ITGA11: variants seen among roughly 807,000 people sequenced by gnomAD.
The protein encoded by ITGA11 is integrin alpha-11.
In ITGA11, 97 loss-of-function variants were observed where a neutral mutation model predicts 141.9. That is an observed-to-expected ratio of 0.68 (90% CI 0.58 to 0.81). The LOEUF is 0.81. Ranked by LOEUF, ITGA11 falls within the 30% of genes least tolerant of loss-of-function variation. ITGA11 has a pLI of 0.00. For synonymous variants in ITGA11, 658 were observed against 624.6 expected (o/e 1.05, Z -0.80); for missense variants, 1,387 against 1,559.2 (o/e 0.89, Z 1.86).
chr15:68,314,977 C>T (rs529393223), intron 22 of ITGA11, among the ~76,000 whole-genome samples: 17 of 151,912 alleles, frequency 1.1e-4, no homozygotes, highest in South Asian at 1.0e-3. Context: ...GGTAATTCTG[C>T]AAAAAAGAGA....
rs1002137569 is a variant in ITGA11, at chr15:68,328,633, C to G, written c.1902-371G>C. Among the ~76,000 whole-genome samples, 1 of 152,180 alleles carries G rather than the reference C, an allele frequency of 6.6e-6. No individual in the cohort carries two copies. Among genetic ancestry groups the G allele is most frequent in the South Asian group, 2.1e-4 (1 of 4,832 alleles). On this transcript the variant is annotated intron_variant, in intron 15 of 29. Transcript: ENST00000315757. The surrounding 1 kb of genome is among the most constrained non-coding windows in gnomAD (Gnocchi z 4.8). Reference sequence around the variant, plus strand: ...GTCATCTGAAGAGCTTAAAAAAATCCTGGTGCCTCAGCTACACCCTAGGCA... The same window carrying G: ...GTCATCTGAAGAGCTTAAAAAAATCGTGGTGCCTCAGCTACACCCTAGGCA...
In ITGA11 at chr15:68,321,739, G is replaced by A. The variant is rs1275328858; in HGVS notation, c.2323-236C>T. On this transcript the variant is annotated intron_variant, in intron 18 of 29. Transcript: ENST00000315757. The surrounding 1 kb of genome is among the most constrained non-coding windows in gnomAD (Gnocchi z 4.9). ...AGTTCATAACTGAGCTGATGGCACA[G>A]AACCCCCACCCCCACTCACCCAGCA... Among the ~76,000 whole-genome samples, 2 of 152,162 alleles carry A rather than the reference G, an allele frequency of 1.3e-5. No individual in the cohort carries two copies. Among genetic ancestry groups the A allele is most frequent in the Non-Finnish European group, 2.9e-5 (2 of 68,036 alleles).
intron 4 of ITGA11, among the ~76,000 whole-genome samples, chr15:68,363,741 G>C (rs1001043304): frequency 6.6e-6 from 1 of 152,156 alleles, no homozygotes; most frequent in Non-Finnish European, 1.5e-5. Flanking sequence ...GAAGGATCCT[G>C]TTTGAACCCC....
rs1892957347 is a variant in ITGA11, at chr15:68,298,544, G to A, written c.*4515C>T. On this transcript the variant is annotated 3_prime_UTR_variant, in exon 30 of 30. Coordinates refer to ENST00000315757, the MANE Select transcript of ITGA11 (RefSeq NM_001004439.2). ...AAGAGGCTGAGGTGGGAGGATCACT[G>A]AAGTCCAGGAGGTCGAGGCTGCAGG... 6.6e-6 allele frequency: 1 copy of A among 152,192 alleles called. No individual in the cohort carries two copies. The highest frequency in any genetic ancestry group is 1.5e-5 in the Non-Finnish European group (1 of 68,050). The allele number at this position is 152,192 out of a possible 1,614,324, so 9.4% of individuals were successfully genotyped here.
Position 68,361,642 on chromosome 15 carries a change from T to C in ITGA11, c.420A>G (p.Ser140=), listed in dbSNP as rs1895246766. The part of the protein sequence containing the change: ...GSSYYTTGMC[S]RVNSNFRFSK... ...AGAACCTGAAGTTGGAGTTGACTCT[T>C]GAACACATCCCTGTGGTGTAGTAGG... Residue 140 remains serine (S), a synonymous_variant, in exon 5 of 30, where the codon TCA becomes TCG. Transcript: ENST00000315757. 1 of 1,610,990 alleles carries C rather than the reference T, an allele frequency of 6.2e-7. No individual in the cohort carries two copies. Among genetic ancestry groups the C allele is most frequent in the Non-Finnish European group, 8.5e-7 (1 of 1,178,584 alleles).
In ITGA11 at chr15:68,321,063, G is replaced by C. The variant is rs1893789236; in HGVS notation, c.2408+355C>G. Among the ~76,000 whole-genome samples, 1 of 152,076 alleles carries C rather than the reference G, an allele frequency of 6.6e-6. No individual in the cohort carries two copies. Among genetic ancestry groups the C allele is most frequent in the South Asian group, 2.1e-4 (1 of 4,828 alleles). On this transcript the variant is annotated intron_variant, in intron 19 of 29. Coordinates refer to ENST00000315757, the MANE Select transcript of ITGA11 (RefSeq NM_001004439.2). The surrounding 1 kb of genome is among the most constrained non-coding windows in gnomAD (Gnocchi z 4.9). The stretch of plus-strand genomic sequence containing the variant: ...AAGGTGTTCAGCCAGCGGGCCTAGA[G>C]GTCACCTCATCTGGGGGCTGAAGGA...
In ITGA11 at chr15:68,386,490, G is replaced by A. The variant is rs74898005; in HGVS notation, c.164+16428C>T. On this transcript the variant is annotated intron_variant, in intron 2 of 29. Coordinates refer to ENST00000315757, the MANE Select transcript of ITGA11 (RefSeq NM_001004439.2). ...GGGAAGGCTGCCCAGGACCCTTTGT[G>A]ACTCTGGGGAGTCAGGCCACCATGT... Among the ~76,000 whole-genome samples, 567 of 152,292 alleles carry A rather than the reference G, an allele frequency of 3.7e-3. 24 individuals are homozygous for A. The East Asian group carries it at 0.092, about 25-fold the overall frequency.
At position 68,304,927 on chromosome 15, in the gene ITGA11, A is replaced by C. The variant is rs1382302215; in HGVS notation, c.3382-1042T>G. On this transcript the variant is annotated intron_variant, in intron 28 of 29. Coordinates refer to ENST00000315757, the MANE Select transcript of ITGA11 (RefSeq NM_001004439.2). This position sits in a 1 kb window ranked among gnomAD's most constrained non-coding sequence, Gnocchi z 6.1. ...GAGTGCCCTCACATCTCCTCTGGAG[A>C]CTACAGCGCTGCCCGACTGCCTCCC... is the stretch of plus-strand genomic sequence containing the variant. Among the ~76,000 whole-genome samples, 1 of 152,158 alleles carries C rather than the reference A, an allele frequency of 6.6e-6. No individual in the cohort carries two copies. The highest frequency in any genetic ancestry group is 1.5e-5 in the Non-Finnish European group (1 of 68,024).
At chr15:68,381,659 G>A (rs1451615804) in intron 2 of ITGA11, among the ~76,000 whole-genome samples, 10 of 152,058 alleles carry the variant, frequency 6.6e-5, no homozygotes, top group Admixed American at 2.0e-4. Flanking sequence ...GGGCTCAAGC[G>A]ATTCTCCTGC....
intron 4 of ITGA11, among the ~76,000 whole-genome samples, chr15:68,363,771 C>T (rs1487018955): frequency 3.3e-5 from 5 of 152,204 alleles, no homozygotes; most frequent in South Asian, 2.1e-4. Flanking sequence ...CCATACTCAA[C>T]GCAGCTCACT....
intron 5 of ITGA11, among the ~76,000 whole-genome samples, chr15:68,360,335 T>G: frequency 6.6e-6 from 1 of 152,330 alleles, no homozygotes; most frequent in East Asian, 1.9e-4. Context: ...GCCAGCTTTA[T>G]TATTATAATG....
At chr15:68,318,611 C>T (rs1295523240) in intron 20 of ITGA11, among the ~76,000 whole-genome samples, 1 of 152,136 alleles carries the variant, frequency 6.6e-6, no homozygotes, top group Non-Finnish European at 1.5e-5. Flanking sequence ...ATGGGGGAGC[C>T]CACTGAGGAG....
chr15:68,334,812 C>T (rs1328006869), intron 12 of ITGA11, among the ~76,000 whole-genome samples: 4 of 152,180 alleles, frequency 2.6e-5, no homozygotes, highest in African/African-American at 9.7e-5. Flanking sequence ...CAAATTCCCT[C>T]CAGCTCTCAA....
intron 7 of ITGA11, among the ~76,000 whole-genome samples, chr15:68,353,111 G>A (rs181821842): frequency 1.3e-5 from 2 of 152,214 alleles, no homozygotes; most frequent in African/African-American, 4.8e-5. Flanking sequence ...AGAGCCACAC[G>A]GCTTTGGTAT....
intron 18 of ITGA11, among the ~76,000 whole-genome samples, chr15:68,323,820 G>A (rs1477071724): frequency 6.6e-6 from 1 of 152,134 alleles, no homozygotes; most frequent in Non-Finnish European, 1.5e-5. Flanking sequence ...CCTCCAGGAA[G>A]GCCCTCTGAC....
At chr15:68,369,083 G>T (rs1895510331) in intron 3 of ITGA11, 101 bp downstream of exon 3, 2 of 813,230 alleles carry the variant, frequency 2.5e-6, no homozygotes, top group Non-Finnish European at 2.1e-6. Flanking sequence ...TGGAGTAGCA[G>T]GAAGGAGTCA....
chr15:68,323,998 G>A (rs1326544797), intron 18 of ITGA11, among the ~76,000 whole-genome samples: 2 of 152,176 alleles, frequency 1.3e-5, no homozygotes, highest in African/African-American at 2.4e-5. Flanking sequence ...TGAGTGCCAC[G>A]TACTCATTCA....
At chr15:68,367,829 G>T (rs139754326) in intron 3 of ITGA11, among the ~76,000 whole-genome samples, 3 of 152,198 alleles carry the variant, frequency 2.0e-5, no homozygotes, top group Non-Finnish European at 4.4e-5. Context: ...TGTGAACTCC[G>T]CATGGACACA....
intron 7 of ITGA11, among the ~76,000 whole-genome samples, chr15:68,356,073 T>C (rs533656987): frequency 6.6e-6 from 1 of 151,592 alleles, no homozygotes; most frequent in Admixed American, 6.6e-5. Context: ...TTTATCTGGA[T>C]GAGTGAGTTC....
Sources: allele counts gnomAD v4.1 joint callset (sites outside exome capture counted in the v4.1 genomes callset), GRCh38; gene constraint gnomAD v4.1.1; non-coding constraint Gnocchi (gnomAD v3.1); transcripts MANE v1.5; gene names NCBI Gene and HGNC (gene_info 2026-07-23, HGNC 2026-07-21).